The following CCDC192 variants were observed in gnomAD, a reference collection of about 807,000 sequenced individuals.
CCDC192 encodes the protein coiled-coil domain containing 192, also known as coiled-coil domain-containing protein 192.
At chr5:127,784,135 T>G (rs1373490116) in intron 3 of CCDC192, among the ~76,000 whole-genome samples, 1 of 152,234 alleles carries the variant, frequency 6.6e-6, no homozygotes, top group Non-Finnish European at 1.5e-5. Context: ...CATTCAATGT[T>G]AGTATTGAGA....
chr5:127,858,795 G>A (rs1751221992), intron 5 of CCDC192, among the ~76,000 whole-genome samples: 1 of 152,062 alleles, frequency 6.6e-6, no homozygotes, highest in South Asian at 2.1e-4. Flanking sequence ...GGAAGAAAGG[G>A]ACAAAATCAA....
intron 5 of CCDC192, among the ~76,000 whole-genome samples, chr5:127,835,922 T>C (rs1196643902): frequency 6.6e-6 from 1 of 152,160 alleles, no homozygotes; most frequent in Non-Finnish European, 1.5e-5. Context: ...CCAAATTTCA[T>C]GTCCTCACAT....
chr5:127,848,096 ATGTT>A (rs1750644184), intron 5 of CCDC192, among the ~76,000 whole-genome samples: 1 of 151,708 alleles, frequency 6.6e-6, no homozygotes, highest in African/African-American at 2.4e-5. Context: ...TTTAATCTCT[ATGTT>A]TGGTGACCAA....
intron 6 of CCDC192, among the ~76,000 whole-genome samples, chr5:127,915,947 A>G (rs561771579): frequency 4.9e-4 from 74 of 152,326 alleles, no homozygotes; most frequent in African/African-American, 1.7e-3. Flanking sequence ...AGTTAGCTGC[A>G]TTGATTAGCT....
At chr5:127,764,726 A>G (rs1755122006) in intron 3 of CCDC192, among the ~76,000 whole-genome samples, 1 of 152,038 alleles carries the variant, frequency 6.6e-6, no homozygotes, top group East Asian at 1.9e-4. Flanking sequence ...CACTAAGAAT[A>G]GCTGATGAGC....
At chr5:127,884,576 A>G (rs1752494411) in intron 6 of CCDC192, among the ~76,000 whole-genome samples, 1 of 152,096 alleles carries the variant, frequency 6.6e-6, no homozygotes, top group African/African-American at 2.4e-5. Context: ...TTCCCTGCTC[A>G]TACCACTTTC....
At chr5:127,874,355 A>T (rs1253380008) in intron 5 of CCDC192, among the ~76,000 whole-genome samples, 1 of 152,190 alleles carries the variant, frequency 6.6e-6, no homozygotes, top group Admixed American at 6.5e-5. Flanking sequence ...TGGGGTCTAG[A>T]AGATAACCTG....
intron 3 of CCDC192, among the ~76,000 whole-genome samples, chr5:127,793,945 T>A (rs1052235345): frequency 6.6e-6 from 1 of 152,202 alleles, no homozygotes; most frequent in East Asian, 1.9e-4. Flanking sequence ...TGCTTCAAGA[T>A]TGGTTAATAA....
At chr5:127,807,539 G>A (rs931534713) in intron 5 of CCDC192, among the ~76,000 whole-genome samples, 6 of 152,062 alleles carry the variant, frequency 3.9e-5, no homozygotes, top group Non-Finnish European at 8.8e-5. Context: ...GTACTAGATT[G>A]TCAATTAAGT....
chr5:127,891,127 C>A (rs1005382300), intron 6 of CCDC192, among the ~76,000 whole-genome samples: 2 of 152,224 alleles, frequency 1.3e-5, no homozygotes, highest in Non-Finnish European at 2.9e-5. Context: ...TCTCGGCTCA[C>A]TGCAACCTCA....
At chr5:127,900,822 CT>C (rs1241724460) in intron 6 of CCDC192, among the ~76,000 whole-genome samples, 1 of 151,970 alleles carries the variant, frequency 6.6e-6, no homozygotes, top group Non-Finnish European at 1.5e-5. Context: ...CTTAAAAATT[CT>C]TTTTTATTAA....
intron 5 of CCDC192, among the ~76,000 whole-genome samples, chr5:127,809,725 T>G (rs1334346007): frequency 1.3e-5 from 2 of 152,214 alleles, no homozygotes; most frequent in Admixed American, 1.3e-4. Context: ...GCTGGCAAAG[T>G]CTACTGCAGT....
intron 5 of CCDC192, among the ~76,000 whole-genome samples, chr5:127,826,263 G>A (rs1749528080): frequency 6.6e-6 from 1 of 152,036 alleles, no homozygotes; most frequent in Non-Finnish European, 1.5e-5. Flanking sequence ...GATGGCTATG[G>A]TTAAAAAGTC....
chr5:127,818,163 C>T (rs190867106), intron 5 of CCDC192, among the ~76,000 whole-genome samples: 1 of 152,258 alleles, frequency 6.6e-6, no homozygotes, highest in African/African-American at 2.4e-5. Flanking sequence ...TTATAACCTG[C>T]TTGCACTCTG....
intron 3 of CCDC192, among the ~76,000 whole-genome samples, chr5:127,792,247 C>A (rs950563544): frequency 1.3e-5 from 2 of 152,136 alleles, no homozygotes; most frequent in African/African-American, 4.8e-5. Flanking sequence ...GACTACGAGG[C>A]CTCAGGAAAC....
chr5:127,729,576 C>T (rs1043631965), intron 2 of CCDC192, among the ~76,000 whole-genome samples: 12 of 152,100 alleles, frequency 7.9e-5, no homozygotes, highest in African/African-American at 2.9e-4. Flanking sequence ...CATTCTTCTT[C>T]GGGTCACATG....
intron 5 of CCDC192, among the ~76,000 whole-genome samples, chr5:127,821,174 T>C (rs532890405): frequency 1.3e-5 from 2 of 152,358 alleles, no homozygotes; most frequent in African/African-American, 4.8e-5. Context: ...AGTGTTTGCC[T>C]ATTTCTGTGG....
chr5:127,930,423 C>T (rs1411333010), intron 6 of CCDC192, among the ~76,000 whole-genome samples: 1 of 152,156 alleles, frequency 6.6e-6, no homozygotes, highest in African/African-American at 2.4e-5. Flanking sequence ...CCTAACCTCC[C>T]ACCAGTGTCC....
Position 127,818,930 on chromosome 5 carries a change from ATCT to A in CCDC192, c.411+20773_411+20775del, listed in dbSNP as rs1456743746. 1.1e-4 allele frequency among the ~76,000 whole-genome samples: 16 copies of A among 152,320 alleles called. No individual in the cohort carries two copies. The East Asian group carries it at 3.1e-3, about 29-fold the overall frequency. On this transcript the variant is annotated intron_variant, in intron 5 of 6. Coordinates refer to ENST00000514853, the MANE Select transcript of CCDC192 (RefSeq NM_001317938.2). ...AATGCTGGGACTTTCAGGTCATGAC[ATCT>A]TCTTGCTTTGTTTCATTTGAGGAAA...
Sources: allele counts gnomAD v4.1 joint callset (sites outside exome capture counted in the v4.1 genomes callset), GRCh38; gene constraint gnomAD v4.1.1; transcripts MANE v1.5; gene names NCBI Gene and HGNC (gene_info 2026-07-23, HGNC 2026-07-21).